C1QTNF5: variants seen among roughly 807,000 people sequenced by gnomAD.
C1QTNF5 encodes C1q and TNF related 5.
In C1QTNF5, 5 loss-of-function variants were observed where a neutral mutation model predicts 10.9. That is an observed-to-expected ratio of 0.46 (90% CI 0.24 to 0.97). The LOEUF (loss-of-function observed/expected upper bound fraction) is 0.97, where lower values mean the gene tolerates loss of function less well. Ranked by LOEUF, C1QTNF5 falls within the 50% of genes least tolerant of loss-of-function variation. The probability of loss-of-function intolerance (pLI) is 0.19; values close to 1 mark genes in which losing one functional copy is unlikely to be tolerated. For synonymous variants in C1QTNF5, 161 were observed against 156.5 expected (o/e 1.03, Z -0.22); for missense variants, 281 against 339.4 (o/e 0.83, Z 1.35).
upstream of C1QTNF5, chr11:119,341,836 C>T: frequency 6.2e-7 from 1 of 1,613,684 alleles, no homozygotes; most frequent in Admixed American, 1.7e-5. Context: ...GGCCCGCCCT[C>T]CTTCCCTCCA....
At chr11:119,341,729 A>C (rs2135367819), upstream of C1QTNF5, 1 of 1,613,320 alleles carries the variant, frequency 6.2e-7, no homozygotes, top group East Asian at 2.2e-5. Context: ...CAGCCCACAC[A>C]GGAGCCTCCG....
At chr11:119,346,205 T>A in the C1QTNF5 span, 1 of 1,567,086 alleles carries the variant, frequency 6.4e-7, no homozygotes, top group South Asian at 1.2e-5. Flanking sequence ...CTGTTGGGTA[T>A]TCCTCATGCT....
In C1QTNF5 at chr11:119,340,715, T is replaced by G; in HGVS notation, c.-64A>C. 5.2e-6 allele frequency: 2 copies of G among 387,672 alleles called. No homozygotes were observed. The highest frequency in any genetic ancestry group is 4.7e-6 in the Non-Finnish European group (1 of 213,594). The allele number at this position is 387,672 out of a possible 1,614,324, so 24.0% of individuals were successfully genotyped here. On this transcript the variant is annotated 5_prime_UTR_variant, in exon 1 of 3. Transcript: ENST00000528368. ...CTCACCCCCCCTCCCGGCTCCCCGA[T>G]GGCCTCCTTCGGGGCGCTCGCTACT...
Position 119,339,118 on chromosome 11 carries a change from G to A in C1QTNF5, c.*213C>T. 1 of 605,478 alleles carries A rather than the reference G, an allele frequency of 1.7e-6. No homozygotes were observed. 37.5% of individuals were successfully genotyped at this position (605,478 alleles called of 1,614,324 possible). ...CAGCACAGCACACTCCTCTGGTCTT[G>A]GGCAGAAATCCAGCCACTGCCCCAT... On this transcript the variant is annotated 3_prime_UTR_variant, in exon 3 of 3. Coordinates refer to ENST00000528368, the MANE Select transcript of C1QTNF5 (RefSeq NM_001278431.2). This position sits in a 1 kb window ranked among gnomAD's most constrained non-coding sequence, Gnocchi z 5.4.
At chr11:119,344,181 C>T (rs1950533527), upstream of C1QTNF5, 12 of 987,548 alleles carry the variant, frequency 1.2e-5, no homozygotes, top group South Asian at 1.6e-4. Context: ...AATATTCCCC[C>T]ATCCCCCGTC....
chr11:119,342,079 G>C (rs1950508636), upstream of C1QTNF5: 3 of 1,478,580 alleles, frequency 2.0e-6, no homozygotes, highest in Non-Finnish European at 2.8e-6. Flanking sequence ...TGTGTACATG[G>C]GTCCAATGGG....
chr11:119,344,443 C>G, upstream of C1QTNF5: 1 of 1,580,440 alleles, frequency 6.3e-7, no homozygotes, highest in South Asian at 1.1e-5. Context: ...TGCCTCCATC[C>G]AATAGGGCTG....
chr11:119,342,921 T>C, upstream of C1QTNF5: 1 of 1,612,936 alleles, frequency 6.2e-7, no homozygotes. Flanking sequence ...CCTCCACTGC[T>C]GATGCCATGA....
upstream of C1QTNF5, chr11:119,345,131 C>T (rs1377744412): frequency 2.4e-6 from 3 of 1,247,406 alleles, no homozygotes; most frequent in Non-Finnish European, 3.4e-6. Context: ...CAAAAAGGCT[C>T]CTCTGATGTC....
upstream of C1QTNF5, chr11:119,343,856 A>G: frequency 1.2e-6 from 2 of 1,613,724 alleles, no homozygotes; most frequent in Non-Finnish European, 1.7e-6. Flanking sequence ...CTGGTCTCAT[A>G]CACCTCCACG....
upstream of C1QTNF5, chr11:119,345,564 G>T (rs200251814): frequency 1.6e-5 from 26 of 1,613,806 alleles, no homozygotes; most frequent in Middle Eastern, 3.3e-4. Context: ...GTGGGTGTTG[G>T]GGGGGTAAGG....
upstream of C1QTNF5, chr11:119,345,115 TG>T: frequency 7.0e-7 from 1 of 1,426,846 alleles, no homozygotes; most frequent in South Asian, 1.3e-5. Flanking sequence ...CTGGTGACCA[TG>T]TGGTCAAAAA....
Position 119,339,869 on chromosome 11 carries a change from C to T in C1QTNF5, c.215-21G>A, listed in dbSNP as rs1222210665. 1 of 1,456,462 alleles carries T rather than the reference C, an allele frequency of 6.9e-7. No homozygotes were observed. The highest frequency in any genetic ancestry group is 1.4e-5 in the African/African-American group (1 of 70,208). The allele number at this position is 1,456,462 out of a possible 1,614,324, so 90.2% of individuals were successfully genotyped here. On this transcript the variant is annotated intron_variant, in intron 2 of 2. Coordinates refer to ENST00000528368, the MANE Select transcript of C1QTNF5 (RefSeq NM_001278431.2). The surrounding 1 kb of genome is among the most constrained non-coding windows in gnomAD (Gnocchi z 5.4). Reference sequence around the variant, plus strand: ...CAGTCCTGCGGGGTAAGCGGGGCGGCAGGGTGAGAGTAGCGGCGGCTCAGC... The same window carrying T: ...CAGTCCTGCGGGGTAAGCGGGGCGGTAGGGTGAGAGTAGCGGCGGCTCAGC...
upstream of C1QTNF5, among the ~76,000 whole-genome samples, chr11:119,342,229 A>T (rs560797902): frequency 3.9e-5 from 6 of 152,308 alleles, no homozygotes; most frequent in South Asian, 1.2e-3. Flanking sequence ...CTCAGGGAAC[A>T]TGGGGCACCC....
Position 119,339,783 on chromosome 11 carries a change from G to T in C1QTNF5, c.280C>A (p.Pro94Thr), listed in dbSNP as rs1160271113. The T allele has an allele frequency of 6.6e-7, 1 of 1,520,358 alleles. No homozygotes were observed. The highest frequency in any genetic ancestry group is 8.8e-7 in the Non-Finnish European group (1 of 1,139,266). 94.2% of individuals were successfully genotyped at this position (1,520,358 alleles called of 1,614,324 possible). A position where few individuals can be genotyped will look rare whatever the true frequency, so the allele number is the denominator to read the frequency against. The change falls in exon 3 of 3, where the codon CCT becomes ACT. Residue 94 changes from proline (P) to threonine (T), a missense_variant. Physicochemically the swap from Pro to Thr is conservative, Grantham distance 38 (BLOSUM62 -1). Transcript: ENST00000528368. This position sits in a 1 kb window ranked among gnomAD's most constrained non-coding sequence, Gnocchi z 5.4. Reference protein sequence around the residue: ...GEAGPAGPTGPAGECSVPPRS... With the variant: ...GEAGPAGPTGTAGECSVPPRS... Reference sequence around the variant, plus strand: ...GGAGGCACCGAGCACTCCCCGGCAGGCCCGGTGGGCCCCGCGGGTCCCGCC... The same window carrying T: ...GGAGGCACCGAGCACTCCCCGGCAGTCCCGGTGGGCCCCGCGGGTCCCGCC...
upstream of C1QTNF5, chr11:119,342,615 G>A (rs1950513811): frequency 6.2e-7 from 1 of 1,613,302 alleles, no homozygotes; most frequent in Admixed American, 1.7e-5. Context: ...GGAACAAGGG[G>A]CCGCTGCAGT....
At chr11:119,345,673 T>G (rs745513226), upstream of C1QTNF5, 2 of 1,608,374 alleles carry the variant, frequency 1.2e-6, no homozygotes, top group Non-Finnish European at 1.7e-6. Flanking sequence ...TCAAAAGGAG[T>G]GAGGTCCTTT....
chr11:119,339,370 C>A lies in C1QTNF5; in HGVS notation c.693G>T (p.Leu231=). ...GGGAGCTGTGCCAGTCGGAGTACAC[C>A]AGAAATCCGGAGAAGGTGCTGTCTG... The part of the protein sequence containing the change: ...IKTDSTFSGF[L]VYSDWHSSPV... Residue 231 remains leucine, a synonymous_variant, in exon 3 of 3, where the codon CTG becomes CTT. Coordinates refer to ENST00000528368, the MANE Select transcript of C1QTNF5 (RefSeq NM_001278431.2). This position sits in a 1 kb window ranked among gnomAD's most constrained non-coding sequence, Gnocchi z 5.4. The A allele has an allele frequency of 6.2e-7, 1 of 1,612,932 alleles. No homozygotes were observed. Among genetic ancestry groups the A allele is most frequent in the Non-Finnish European group, 8.5e-7 (1 of 1,179,262 alleles).
At chr11:119,346,055 T>C in the C1QTNF5 span, 1 of 1,611,030 alleles carries the variant, frequency 6.2e-7, no homozygotes, top group Non-Finnish European at 8.5e-7. Flanking sequence ...CGGGCCAGGA[T>C]GATGGCCACC....
Sources: allele counts gnomAD v4.1 joint callset (sites outside exome capture counted in the v4.1 genomes callset), GRCh38; gene constraint gnomAD v4.1.1; non-coding constraint Gnocchi (gnomAD v3.1); transcripts MANE v1.5; gene names NCBI Gene and HGNC (gene_info 2026-07-23, HGNC 2026-07-21).